The following UBR1 variants were observed in gnomAD, a reference collection of about 807,000 sequenced individuals.
The protein encoded by UBR1 is E3 ubiquitin-protein ligase UBR1.
In UBR1, 102 loss-of-function variants were observed where a neutral mutation model predicts 242.1. The observed-to-expected ratio is 0.42, with a 90% CI of 0.36 to 0.50. UBR1 has a LOEUF of 0.50. Among genes scored for constraint, UBR1 ranks in the 20% least tolerant of loss-of-function variants. The pLI, the probability that UBR1 is intolerant of heterozygous loss-of-function variation, is 0.01. For missense variants in UBR1, 1,772 were observed against 2,101.8 expected (o/e 0.84, Z 3.07); for synonymous variants, 675 against 684.8 (o/e 0.99, Z 0.22).
At chr15:43,046,943 C>G (rs1425296163) in intron 14 of UBR1, among the ~76,000 whole-genome samples, 1 of 152,030 alleles carries the variant, frequency 6.6e-6, no homozygotes, top group Non-Finnish European at 1.5e-5. Flanking sequence ...ATGTATAAAC[C>G]CTGCTATTCC....
chr15:42,990,352 T>G (rs541479281), intron 33 of UBR1, among the ~76,000 whole-genome samples: 2 of 152,090 alleles, frequency 1.3e-5, no homozygotes, highest in East Asian at 3.8e-4. Flanking sequence ...TTTTAAACAA[T>G]TTTTTTGTAA....
chr15:43,090,075 A>G (rs1049049885), intron 1 of UBR1, among the ~76,000 whole-genome samples: 29 of 152,364 alleles, frequency 1.9e-4, no homozygotes, highest in African/African-American at 6.5e-4. Flanking sequence ...CATTACAGGA[A>G]ACAGAAAGAG....
intron 25 of UBR1, among the ~76,000 whole-genome samples, chr15:43,023,359 G>C (rs1360110318): frequency 6.6e-6 from 1 of 151,764 alleles, no homozygotes; most frequent in East Asian, 1.9e-4. Context: ...TCGGAGGTTT[G>C]GGTGGGTGGA....
chr15:42,965,020 G>T (rs2032082642), intron 41 of UBR1, among the ~76,000 whole-genome samples: 1 of 152,062 alleles, frequency 6.6e-6, no homozygotes, highest in African/African-American at 2.4e-5. Flanking sequence ...CAATAAAAAG[G>T]ACTTTATTTC....
chr15:43,051,127 T>C (rs1341073203), intron 12 of UBR1, among the ~76,000 whole-genome samples: 2 of 152,164 alleles, frequency 1.3e-5, no homozygotes, highest in Non-Finnish European at 1.5e-5. Context: ...CATGCACACA[T>C]ACATTCACTG....
At chr15:42,954,221 T>A (rs2031881124) in intron 44 of UBR1, among the ~76,000 whole-genome samples, 7 of 152,286 alleles carry the variant, frequency 4.6e-5, no homozygotes, top group Middle Eastern at 3.4e-3. Context: ...ATAATATCTA[T>A]TCACCAGGCT....
At chr15:43,077,430 T>C (rs1027083415) in intron 3 of UBR1, among the ~76,000 whole-genome samples, 8 of 151,988 alleles carry the variant, frequency 5.3e-5, no homozygotes, top group Admixed American at 5.2e-4. Context: ...TGTGCTTTGT[T>C]AAACAGATGC....
At chr15:43,074,885 G>A (rs1231413156) in intron 4 of UBR1, 94 bp downstream of exon 4, 1 of 1,054,406 alleles carries the variant, frequency 9.5e-7, no homozygotes, top group Admixed American at 1.7e-5. Flanking sequence ...AAACAGCAGG[G>A]TTCTAACTGG....
chr15:43,011,206 AT>A (rs1347340063), intron 29 of UBR1, among the ~76,000 whole-genome samples: 3 of 152,118 alleles, frequency 2.0e-5, no homozygotes, highest in African/African-American at 7.2e-5. Context: ...GGTTAAAAAA[AT>A]ATGAGAGAAT....
chr15:43,005,902 G>A (rs1482368700), intron 30 of UBR1, among the ~76,000 whole-genome samples: 1 of 149,414 alleles, frequency 6.7e-6, no homozygotes, highest in South Asian at 2.2e-4. Flanking sequence ...TGCTCGTTAA[G>A]AGTCATCACC....
chr15:43,086,222 C>G lies in UBR1; in HGVS notation c.100G>C (p.Asp34His), dbSNP rs1013810338. The change falls in exon 2 of 47, where the codon GAT (aspartate) becomes CAT (histidine). Residue 34 changes from aspartate (D) to histidine (H), a missense_variant. Coordinates refer to ENST00000290650, the MANE Select transcript of UBR1 (RefSeq NM_174916.3). ...TGATGCAAGAAAGCAGTATAAAAAT[C>G]AACTTGCTGATCCCACCACTAAAAG... is the stretch of plus-strand genomic sequence containing the variant. ...RLASWWDQQV[D>H]FYTAFLHHLA... The G allele has an allele frequency of 1.2e-6, 2 of 1,613,760 alleles. No individual in the cohort carries two copies. Among genetic ancestry groups the G allele is most frequent in the African/African-American group, 2.7e-5 (2 of 74,902 alleles).
intron 46 of UBR1, among the ~76,000 whole-genome samples, chr15:42,947,133 T>C (rs1404998719): frequency 6.6e-6 from 1 of 151,904 alleles, no homozygotes; most frequent in Non-Finnish European, 1.5e-5. Flanking sequence ...TGAGAGACTG[T>C]CTCAAAAAAC....
intron 16 of UBR1, 130 bp from the exon 17 acceptor site, chr15:43,038,013 C>T (rs1167963067): frequency 2.1e-5 from 25 of 1,186,930 alleles, no homozygotes; most frequent in Non-Finnish European, 3.1e-5. Context: ...ACGTCTAAGT[C>T]CCTGTGACTC....
intron 1 of UBR1, among the ~76,000 whole-genome samples, chr15:43,101,556 G>A (rs1360489577): frequency 6.6e-6 from 1 of 152,126 alleles, no homozygotes; most frequent in Non-Finnish European, 1.5e-5. Flanking sequence ...AAGGCCAGGT[G>A]CGATGGCTCA....
At chr15:43,021,045 T>C (rs1187431719) in intron 27 of UBR1, 1 of 428,346 alleles carries the variant, frequency 2.3e-6, no homozygotes, top group East Asian at 4.9e-5. Flanking sequence ...TGGCACATGG[T>C]AGGTTTTCAG....
chr15:43,060,534 G>A (rs930270832), intron 6 of UBR1, among the ~76,000 whole-genome samples: 2 of 152,118 alleles, frequency 1.3e-5, no homozygotes, highest in African/African-American at 4.8e-5. Flanking sequence ...AAGTATAGCT[G>A]GACTACTGAT....
At chr15:43,064,945 A>G (rs187995863) in intron 6 of UBR1, among the ~76,000 whole-genome samples, 2 of 152,350 alleles carry the variant, frequency 1.3e-5, no homozygotes, top group East Asian at 1.9e-4. Context: ...CCTAAGAAGG[A>G]TATTTAAAGA....
At chr15:43,084,205 C>T (rs780000007) in intron 2 of UBR1, among the ~76,000 whole-genome samples, 3 of 151,940 alleles carry the variant, frequency 2.0e-5, no homozygotes, top group Non-Finnish European at 4.4e-5. Context: ...TATCATTTGT[C>T]GGGGGTGAAC....
intron 6 of UBR1, among the ~76,000 whole-genome samples, chr15:43,062,520 G>A (rs1447389575): frequency 2.0e-5 from 3 of 152,112 alleles, no homozygotes; most frequent in South Asian, 2.1e-4. Flanking sequence ...TCTGTTGCAC[G>A]ACAAGATAGT....
Sources: allele counts gnomAD v4.1 joint callset (sites outside exome capture counted in the v4.1 genomes callset), GRCh38; gene constraint gnomAD v4.1.1; transcripts MANE v1.5; gene names NCBI Gene and HGNC (gene_info 2026-07-23, HGNC 2026-07-21).